Variants in CSMD1 observed in about 807,000 individuals in gnomAD.
CSMD1 encodes CUB and Sushi multiple domains 1, also known as CUB and sushi domain-containing protein 1.
Under a neutral mutation model 417.5 loss-of-function variants are expected in CSMD1, and 213 were observed. The observed-to-expected ratio is 0.51, with a 90% CI of 0.46 to 0.57. The LOEUF (loss-of-function observed/expected upper bound fraction) is 0.57. CSMD1 is among the 20% of genes least tolerant of loss of function. The probability of loss-of-function intolerance (pLI) is 0.00; values close to 1 mark genes in which losing one functional copy is unlikely to be tolerated. For synonymous variants in CSMD1, 2,862 were observed against 1,736.8 expected (o/e 1.65, Z -16.11); for missense variants, 6,923 against 4,529.7 (o/e 1.53, Z -15.17).
chr8:4,824,844 C>A (rs1334476257), intron 1 of CSMD1, among the ~76,000 whole-genome samples: 1 of 152,114 alleles, frequency 6.6e-6, no homozygotes, highest in African/African-American at 2.4e-5. Context: ...AAGAAACAAT[C>A]TGTATCTCCA....
At chr8:3,696,632 A>G (rs938858767) in intron 7 of CSMD1, among the ~76,000 whole-genome samples, 5 of 152,204 alleles carry the variant, frequency 3.3e-5, no homozygotes, top group African/African-American at 9.6e-5. Flanking sequence ...AAACGTCATC[A>G]TTATATAACC....
At chr8:3,026,264 AG>A (rs1442216096) in intron 51 of CSMD1, among the ~76,000 whole-genome samples, 22 of 152,064 alleles carry the variant, frequency 1.4e-4, no homozygotes, top group Middle Eastern at 3.4e-3. Flanking sequence ...TCAGGTCCTC[AG>A]CCACACACCA....
intron 5 of CSMD1, among the ~76,000 whole-genome samples, chr8:3,873,946 G>C (rs1372842142): frequency 2.0e-5 from 3 of 152,174 alleles, no homozygotes; most frequent in Admixed American, 6.5e-5. Flanking sequence ...TCTGAAAAGA[G>C]AACAGTGCAG....
At chr8:3,596,055 G>T (rs75784542) in intron 8 of CSMD1, among the ~76,000 whole-genome samples, 1 of 151,938 alleles carries the variant, frequency 6.6e-6, no homozygotes, top group Admixed American at 6.6e-5. Flanking sequence ...TTCCACGTGG[G>T]CTTAGGAAGC....
intron 42 of CSMD1, among the ~76,000 whole-genome samples, chr8:3,112,647 G>C (rs1241160167): frequency 6.6e-6 from 1 of 152,190 alleles, no homozygotes; most frequent in African/African-American, 2.4e-5. Context: ...TGCCTGGGAT[G>C]GAGATGCCAT....
chr8:4,920,721 G>T (rs946959029), intron 1 of CSMD1, among the ~76,000 whole-genome samples: 1 of 151,802 alleles, frequency 6.6e-6, no homozygotes, highest in African/African-American at 2.4e-5. Flanking sequence ...TACTTAGAAG[G>T]CTAAGGCAGG....
intron 5 of CSMD1, among the ~76,000 whole-genome samples, chr8:3,936,582 T>G (rs970503463): frequency 2.0e-5 from 3 of 152,146 alleles, no homozygotes; most frequent in Non-Finnish European, 4.4e-5. Flanking sequence ...CATCTCTTTA[T>G]AGCATGGTTT....
chr8:4,283,178 TACA>T (rs761104863), intron 3 of CSMD1, among the ~76,000 whole-genome samples: 2 of 152,230 alleles, frequency 1.3e-5, no homozygotes, highest in Non-Finnish European at 2.9e-5. Flanking sequence ...GAGTCTTTTT[TACA>T]ACATTTAAAA....
intron 3 of CSMD1, among the ~76,000 whole-genome samples, chr8:4,384,465 T>G (rs1047791136): frequency 3.9e-5 from 6 of 152,228 alleles, no homozygotes; most frequent in African/African-American, 1.4e-4. Flanking sequence ...AAATAAAGCT[T>G]CTTCTATCTA....
intron 1 of CSMD1, among the ~76,000 whole-genome samples, chr8:4,791,225 A>G (rs1478896461): frequency 2.7e-5 from 4 of 150,590 alleles, no homozygotes; most frequent in African/African-American, 2.4e-5. Flanking sequence ...AAGCAGAGGC[A>G]GAAGGAACGT....
At chr8:3,004,016 G>A (rs946496699) in intron 52 of CSMD1, among the ~76,000 whole-genome samples, 1 of 152,132 alleles carries the variant, frequency 6.6e-6, no homozygotes, top group Non-Finnish European at 1.5e-5. Flanking sequence ...GCCACTATTT[G>A]AAGATAGTTG....
At chr8:3,074,710 A>C (rs937779298) in intron 49 of CSMD1, among the ~76,000 whole-genome samples, 6 of 152,242 alleles carry the variant, frequency 3.9e-5, no homozygotes, top group Admixed American at 3.3e-4. Flanking sequence ...GGTCATTGAA[A>C]TTGCAATAAA....
intron 8 of CSMD1, among the ~76,000 whole-genome samples, chr8:3,600,933 G>C (rs1029356210): frequency 5.9e-5 from 9 of 152,204 alleles, no homozygotes; most frequent in Admixed American, 3.9e-4. Context: ...AATGTGGATA[G>C]AGAGGAAGGA....
chr8:4,574,258 A>T (rs951590204), intron 2 of CSMD1, among the ~76,000 whole-genome samples: 2 of 152,126 alleles, frequency 1.3e-5, no homozygotes, highest in African/African-American at 2.4e-5. Context: ...TGGTGTAGGC[A>T]TCTGAGGGAA....
intron 2 of CSMD1, among the ~76,000 whole-genome samples, chr8:4,628,407 CACAT>C (rs1178850696): frequency 8.7e-6 from 1 of 114,460 alleles, no homozygotes; most frequent in African/African-American, 3.1e-5. Flanking sequence ...CATATATATA[CACAT>C]ATATATACAT....
chr8:4,242,476 CAG>C (rs1802460218), intron 3 of CSMD1, among the ~76,000 whole-genome samples: 2 of 152,270 alleles, frequency 1.3e-5, no homozygotes, highest in Admixed American at 6.5e-5. Context: ...CATAAATTAG[CAG>C]AGACTTCCTG....
At chr8:4,731,764 G>A (rs1809887427) in intron 1 of CSMD1, among the ~76,000 whole-genome samples, 1 of 152,170 alleles carries the variant, frequency 6.6e-6, no homozygotes, top group East Asian at 1.9e-4. Flanking sequence ...TTTGGGAAGT[G>A]ATGCTGGCTT....
At chr8:3,683,633 A>T (rs1432870343) in intron 7 of CSMD1, among the ~76,000 whole-genome samples, 2 of 152,162 alleles carry the variant, frequency 1.3e-5, no homozygotes, top group African/African-American at 2.4e-5. Flanking sequence ...AAACATGTGC[A>T]TACTCTTTTA....
chr8:4,091,607 T>C (rs774293357), intron 3 of CSMD1, among the ~76,000 whole-genome samples: 9 of 152,168 alleles, frequency 5.9e-5, no homozygotes, highest in Non-Finnish European at 5.9e-5. Flanking sequence ...ACACCTCACA[T>C]AGAGTAGCAA....
Sources: gnomAD v4.1 joint callset for allele counts (sites outside exome capture counted in the v4.1 genomes callset) on GRCh38, gnomAD v4.1.1 for gene constraint, MANE v1.5 for transcripts, NCBI Gene and HGNC (gene_info 2026-07-23, HGNC 2026-07-21) for gene names.